The following CNTNAP2 variants were observed in gnomAD, a reference collection of about 807,000 sequenced individuals.
CNTNAP2 encodes contactin associated protein 2, also known as contactin-associated protein-like 2.
Under a neutral mutation model 155.2 loss-of-function variants are expected in CNTNAP2, and 98 were observed. The observed-to-expected ratio is 0.63, with a 90% CI of 0.54 to 0.75. The LOEUF is 0.75. CNTNAP2 is among the 30% of genes least tolerant of loss of function. The pLI is 0.00. For missense variants in CNTNAP2, 1,727 were observed against 1,688.1 expected, an observed-to-expected ratio of 1.02 and a Z score of -0.40; for synonymous variants, 651 against 631.2, an observed-to-expected ratio of 1.03 and a Z score of -0.47.
At chr7:146,314,416 C>G (rs186809560) in intron 1 of CNTNAP2, among the ~76,000 whole-genome samples, 1 of 152,088 alleles carries the variant, frequency 6.6e-6, no homozygotes, top group African/African-American at 2.4e-5. Flanking sequence ...ATGCGTGTTC[C>G]AGTTCTTTCT....
At chr7:146,555,293 T>G (rs766423272) in intron 1 of CNTNAP2, among the ~76,000 whole-genome samples, 19 of 152,208 alleles carry the variant, frequency 1.2e-4, no homozygotes, top group Non-Finnish European at 2.2e-4. Context: ...AAGAAACCTT[T>G]GCTTTAGATT....
intron 9 of CNTNAP2, among the ~76,000 whole-genome samples, chr7:147,369,906 G>T (rs1433751592): frequency 6.6e-6 from 1 of 152,132 alleles, no homozygotes; most frequent in African/African-American, 2.4e-5. Flanking sequence ...AGAAATCATT[G>T]CCCATAAGAA....
At chr7:147,006,471 G>T (rs560402657) in intron 3 of CNTNAP2, among the ~76,000 whole-genome samples, 1 of 152,004 alleles carries the variant, frequency 6.6e-6, no homozygotes, top group Non-Finnish European at 1.5e-5. Flanking sequence ...TTCCTCAGGG[G>T]CCTTTAGCTC....
chr7:146,663,203 G>A (rs1297173954), intron 1 of CNTNAP2, among the ~76,000 whole-genome samples: 4 of 149,108 alleles, frequency 2.7e-5, no homozygotes, highest in Non-Finnish European at 4.4e-5. Context: ...ACTTAAACCC[G>A]GGAGGCAGAG....
intron 8 of CNTNAP2, among the ~76,000 whole-genome samples, chr7:147,192,441 G>A (rs756552246): frequency 3.3e-5 from 5 of 151,954 alleles, no homozygotes; most frequent in Non-Finnish European, 7.4e-5. Flanking sequence ...TGATCCATTA[G>A]TTCTCAGTGT....
intron 18 of CNTNAP2, among the ~76,000 whole-genome samples, chr7:148,216,763 A>G (rs968473988): frequency 4.6e-5 from 7 of 152,308 alleles, no homozygotes; most frequent in Admixed American, 1.3e-4. Flanking sequence ...CTAATTTCAA[A>G]TTGTAGTTCC....
At chr7:147,641,013 C>T (rs543490232) in intron 13 of CNTNAP2, among the ~76,000 whole-genome samples, 1 of 152,242 alleles carries the variant, frequency 6.6e-6, no homozygotes, top group South Asian at 2.1e-4. Flanking sequence ...TGGGGGCGGC[C>T]ATGTTGCCAG....
chr7:147,209,476 T>C (rs1584794351), intron 8 of CNTNAP2, among the ~76,000 whole-genome samples: 1 of 152,068 alleles, frequency 6.6e-6, no homozygotes, highest in Admixed American at 6.6e-5. Flanking sequence ...AGTTATCTGT[T>C]CTAGGAGACT....
chr7:147,944,537 A>G (rs867872729), intron 14 of CNTNAP2, among the ~76,000 whole-genome samples: 1 of 152,272 alleles, frequency 6.6e-6, no homozygotes, highest in East Asian at 1.9e-4. Context: ...GTTAAGAGAC[A>G]TATGCCCATG....
intron 13 of CNTNAP2, among the ~76,000 whole-genome samples, chr7:147,703,137 T>G (rs1394726773): frequency 6.6e-6 from 1 of 152,110 alleles, no homozygotes; most frequent in Non-Finnish European, 1.5e-5. Flanking sequence ...TCCTGAACCC[T>G]TCTCCATACA....
intron 1 of CNTNAP2, among the ~76,000 whole-genome samples, chr7:146,231,190 T>A (rs1799378996): frequency 6.6e-6 from 1 of 151,946 alleles, no homozygotes; most frequent in Non-Finnish European, 1.5e-5. Flanking sequence ...AATGGGGAAA[T>A]GTTTTTGGAA....
At chr7:148,057,987 T>TTATTAC (rs1194276903) in intron 15 of CNTNAP2, among the ~76,000 whole-genome samples, 2 of 148,784 alleles carry the variant, frequency 1.3e-5, no homozygotes, top group African/African-American at 4.9e-5. Context: ...ATTATTATTA[T>TTATTAC]TGTTATTATT....
chr7:147,534,539 G>A (rs1030225180), intron 11 of CNTNAP2, among the ~76,000 whole-genome samples: 7 of 152,092 alleles, frequency 4.6e-5, no homozygotes, highest in Non-Finnish European at 1.0e-4. Flanking sequence ...TGATGGTTTC[G>A]TAAAGTGACT....
At chr7:148,332,065 T>A (rs1382008983) in intron 21 of CNTNAP2, among the ~76,000 whole-genome samples, 2 of 151,934 alleles carry the variant, frequency 1.3e-5, no homozygotes, top group African/African-American at 2.4e-5. Flanking sequence ...GCTAAAGAAA[T>A]TGCTGTCATC....
intron 13 of CNTNAP2, among the ~76,000 whole-genome samples, chr7:147,642,011 CGTGTGT>C (rs3053478): frequency 1.3e-4 from 20 of 149,600 alleles, no homozygotes; most frequent in Non-Finnish European, 1.5e-4. Flanking sequence ...TGTGTGTGTG[CGTGTGT>C]GTGTGTGTGT....
intron 18 of CNTNAP2, among the ~76,000 whole-genome samples, chr7:148,200,001 G>A (rs964023212): frequency 1.3e-5 from 2 of 152,212 alleles, no homozygotes; most frequent in African/African-American, 4.8e-5. Context: ...GGATGTCCCA[G>A]CACAAGAGAG....
chr7:146,477,263 C>T (rs1796891655), intron 1 of CNTNAP2, among the ~76,000 whole-genome samples: 1 of 152,074 alleles, frequency 6.6e-6, no homozygotes, highest in Non-Finnish European at 1.5e-5. Flanking sequence ...AATATTCATT[C>T]AGATAGATTA....
rs34728815 is a variant in CNTNAP2 at position 147,632,344 on chromosome 7, TC to T, written c.1898-6758del. Among the ~76,000 whole-genome samples the T allele has an allele frequency of 5.9e-5, 9 of 152,232 alleles. No individual in the cohort carries two copies. In the Middle Eastern group the frequency reaches 0.01, roughly 173 times the overall value. On this transcript the variant is annotated intron_variant, in intron 12 of 23. Coordinates refer to ENST00000361727, the MANE Select transcript of CNTNAP2 (RefSeq NM_014141.6). The stretch of plus-strand genomic sequence containing the variant: ...TCATCTTGAATTGTAGTTCCCATGA[TC>T]CCCAACCCAGTGTTGCGGGAGGGAC...
At chr7:147,340,954 G>A (rs548592471) in intron 9 of CNTNAP2, among the ~76,000 whole-genome samples, 3 of 151,810 alleles carry the variant, frequency 2.0e-5, no homozygotes, top group South Asian at 2.1e-4. Flanking sequence ...AGCTGCCACC[G>A]CTAGATGCTC....
Sources: gnomAD v4.1 joint callset for allele counts (sites outside exome capture counted in the v4.1 genomes callset) on GRCh38, gnomAD v4.1.1 for gene constraint, MANE v1.5 for transcripts, NCBI Gene and HGNC (gene_info 2026-07-23, HGNC 2026-07-21) for gene names.